Variants in SLC19A1 observed in about 807,000 individuals in gnomAD.
The protein encoded by SLC19A1 is reduced folate transporter.
In SLC19A1, 37 loss-of-function variants were observed where a neutral mutation model predicts 35.3. That is an observed-to-expected ratio of 1.05 (90% CI 0.81 to 1.38). The LOEUF is 1.38. Ranked by LOEUF, SLC19A1 falls within the 40% of genes most tolerant of loss-of-function variation. The pLI, the probability that SLC19A1 is intolerant of heterozygous loss-of-function variation, is 0.00. For synonymous variants in SLC19A1, 460 were observed against 398.5 expected, an observed-to-expected ratio of 1.15 and a Z score of -1.84; for missense variants, 831 against 826.9, an observed-to-expected ratio of 1.00 and a Z score of -0.06.
At chr21:45,519,828 C>G (rs1428094450) in intron 5 of SLC19A1, among the ~76,000 whole-genome samples, 4 of 152,174 alleles carry the variant, frequency 2.6e-5, no homozygotes, top group Admixed American at 2.6e-4. Context: ...AGAAAATCCA[C>G]AAGAACTGAG....
At position 45,534,542 on chromosome 21, in the gene SLC19A1, G is replaced by A. The variant is rs900389701; in HGVS notation, c.190-2394C>T. 19 of 1,535,338 alleles carry A rather than the reference G, an allele frequency of 1.2e-5. No individual in the cohort carries two copies. Among genetic ancestry groups the A allele is most frequent in the African/African-American group, 8.2e-5 (6 of 73,046 alleles). On this transcript the variant is annotated intron_variant, in intron 2 of 5. Transcript: ENST00000311124. The surrounding 1 kb of genome is among the most constrained non-coding windows in gnomAD (Gnocchi z 4.2). Reference sequence around the variant, plus strand: ...GGTCCTAGAAGCCTCACCCACCTCCGAATGAATGGAGCATGCCTCATTTCC... The same window carrying A: ...GGTCCTAGAAGCCTCACCCACCTCCAAATGAATGGAGCATGCCTCATTTCC...
intron 1 of SLC19A1, among the ~76,000 whole-genome samples, chr21:45,541,547 C>T (rs1460294824): frequency 1.3e-5 from 2 of 152,238 alleles, no homozygotes; most frequent in Non-Finnish European, 1.5e-5. Context: ...CAGGAGTTTC[C>T]GATGGACAGG....
chr21:45,557,857 G>A (rs918555688), intron 1 of SLC19A1, among the ~76,000 whole-genome samples: 4 of 152,338 alleles, frequency 2.6e-5, no homozygotes, highest in African/African-American at 9.6e-5. Flanking sequence ...GGGGGTGGCC[G>A]TGCCCTCGGC....
chr21:45,510,363 CCAT>C (rs2037505737), downstream of SLC19A1: 2 of 1,307,040 alleles, frequency 1.5e-6, no homozygotes, highest in Admixed American at 2.0e-5. Context: ...CTGGAGGCCA[CCAT>C]GTTACAGACA....
intron 3 of SLC19A1, chr21:45,504,043 G>T: frequency 6.2e-7 from 1 of 1,613,688 alleles, no homozygotes; most frequent in Non-Finnish European, 8.5e-7. Flanking sequence ...TCAGTTGGAG[G>T]CTGAAATGAA....
rs2078267299 is a variant in SLC19A1 at position 45,540,399 on chromosome 21, C to T, written c.-50+1969G>A. On this transcript the variant is annotated intron_variant, in intron 1 of 5. Transcript: ENST00000311124. The surrounding 1 kb of genome is among the most constrained non-coding windows in gnomAD (Gnocchi z 5.5). ...GAGTCAGATCCCCACCCACAGGACCCCCAGGGGCCCGGGAGCCCTGGGTAC... is the reference window on the plus strand; with the variant it reads ...GAGTCAGATCCCCACCCACAGGACCTCCAGGGGCCCGGGAGCCCTGGGTAC... 2.6e-5 allele frequency among the ~76,000 whole-genome samples: 4 copies of T among 152,176 alleles called. No individual in the cohort carries two copies. The highest frequency in any genetic ancestry group is 2.6e-4 in the Admixed American group (4 of 15,276).
At chr21:45,503,753 T>A (rs532535363) in intron 3 of SLC19A1, among the ~76,000 whole-genome samples, 26 of 151,930 alleles carry the variant, frequency 1.7e-4, no homozygotes, top group South Asian at 6.2e-4. Context: ...AACCTGCACA[T>A]CATGCACATG....
Position 45,555,160 on chromosome 21 carries a change from C to CGGCGCG in SLC19A1, c.-50+7581_-50+7582insCGCGCC, listed in dbSNP as rs1569031758. On this transcript the variant is annotated intron_variant, in intron 1 of 5. Transcript: ENST00000650808. ...ACGCAGGGGGCGGTGCAGGGGGCGG[C>CGGCGCG]GGGGGCGGCGCAGGGGGCGGTGCAG... is the stretch of plus-strand genomic sequence containing the variant. Among the ~76,000 whole-genome samples the CGGCGCG allele has an allele frequency of 1.2e-3, 52 of 41,822 alleles. 4 individuals are homozygous for CGGCGCG. The highest frequency in any genetic ancestry group is 1.6e-3 in the Non-Finnish European group (39 of 23,710). 27.4% of individuals were successfully genotyped at this position (41,822 alleles called of 152,430 possible).
downstream of SLC19A1, among the ~76,000 whole-genome samples, chr21:45,508,125 G>C (rs73370874): frequency 1.3e-5 from 2 of 151,156 alleles, no homozygotes; most frequent in East Asian, 3.9e-4. Context: ...GTGAGTGGAC[G>C]GGTGGGTGGG....
Position 45,531,872 on chromosome 21 carries a change from A to AGTAGCCGGCCACACGCTGGTAGCGCGCGG in SLC19A1, c.437_465dup (p.Ser156ProfsTer58). ...ACGCCCAGCAGCACCGCAGCGCGCG[A>AGTAGCCGGCCACACGCTGGTAGCGCGCGG]GTAGCCGGCCACACGCTGGTAGCGC... On this transcript the variant is annotated frameshift_variant, in exon 3 of 6. Coordinates refer to ENST00000311124, the MANE Select transcript of SLC19A1 (RefSeq NM_194255.4). LOFTEE classifies it high-confidence loss of function. 2 of 1,586,268 alleles carry AGTAGCCGGCCACACGCTGGTAGCGCGCGG rather than the reference A, an allele frequency of 1.3e-6. No individual in the cohort carries two copies. Among genetic ancestry groups the AGTAGCCGGCCACACGCTGGTAGCGCGCGG allele is most frequent in the East Asian group, 2.3e-5 (1 of 42,878 alleles).
chr21:45,556,010 C>A (rs1015196071), intron 1 of SLC19A1, among the ~76,000 whole-genome samples: 1 of 152,216 alleles, frequency 6.6e-6, no homozygotes, highest in African/African-American at 2.4e-5. Context: ...CAGGAAGACC[C>A]CCGCCCTAAT....
chr21:45,503,225 G>A (rs1467974664), intron 3 of SLC19A1, among the ~76,000 whole-genome samples: 22 of 152,174 alleles, frequency 1.4e-4, no homozygotes, highest in East Asian at 5.8e-4. Context: ...CATCCTCTCC[G>A]GCACCTGTTG....
chr21:45,532,215 G>T, intron 2 of SLC19A1, 67 bp from the exon 3 acceptor site: 2 of 1,363,924 alleles, frequency 1.5e-6, no homozygotes, highest in Non-Finnish European at 2.0e-6. Context: ...GACACAGCCC[G>T]CCCGAGGTGA....
downstream of SLC19A1, chr21:45,509,483 C>T (rs1022303980): frequency 2.6e-6 from 4 of 1,527,606 alleles, no homozygotes; most frequent in East Asian, 2.4e-5. Context: ...GCCAGCCCCC[C>T]TCGCCTGCCC....
Position 45,513,851 on chromosome 21 carries a change from TG to T in SLC19A1, c.*1806del, listed in dbSNP as rs1434428364. 1 of 152,152 alleles carries T rather than the reference TG, an allele frequency of 6.6e-6. No individual in the cohort carries two copies. 9.4% of individuals were successfully genotyped at this position (152,152 alleles called of 1,614,324 possible). A position where few individuals can be genotyped will look rare whatever the true frequency, so the allele number is the denominator to read the frequency against. On this transcript the variant is annotated 3_prime_UTR_variant, in exon 6 of 6. Coordinates refer to ENST00000311124, the MANE Select transcript of SLC19A1 (RefSeq NM_194255.4). ...GTGTGCACAGGCACGCACGGTTACA[TG>T]GGGTATGCATGCATGGCCATACACA...
At chr21:45,520,928 G>T (rs1378838201) in intron 5 of SLC19A1, among the ~76,000 whole-genome samples, 5 of 151,882 alleles carry the variant, frequency 3.3e-5, no homozygotes, top group Non-Finnish European at 7.4e-5. Flanking sequence ...GCTGAGACAG[G>T]AGAATTGCTT....
chr21:45,541,326 T>G (rs1602910467), intron 1 of SLC19A1, among the ~76,000 whole-genome samples: 1 of 152,370 alleles, frequency 6.6e-6, no homozygotes, highest in Non-Finnish European at 1.5e-5. Context: ...GGCAGGCAGG[T>G]GCACTGGGCC....
Position 45,527,104 on chromosome 21 carries a change from C to A in SLC19A1, c.1152-1146G>T, listed in dbSNP as rs572650439. Among the ~76,000 whole-genome samples, 23 of 152,380 alleles carry A rather than the reference C, an allele frequency of 1.5e-4. No homozygotes were observed. The South Asian group carries it at 4.8e-3, about 32-fold the overall frequency. On this transcript the variant is annotated intron_variant, in intron 4 of 5. Transcript: ENST00000311124. ...TGATAAATTAGAAGAGCAGTGAAAC[C>A]ACAGAGTCGGTGAATGAGCAGCAGC...
chr21:45,553,312 C>T (rs969133531), intron 1 of SLC19A1, among the ~76,000 whole-genome samples: 35 of 151,926 alleles, frequency 2.3e-4, no homozygotes, highest in African/African-American at 6.5e-4. Context: ...GTGAAGGACA[C>T]GACTCCAGGC....
Sources: allele counts gnomAD v4.1 joint callset (sites outside exome capture counted in the v4.1 genomes callset), GRCh38; gene constraint gnomAD v4.1.1; non-coding constraint Gnocchi (gnomAD v3.1); transcripts MANE v1.5; gene names NCBI Gene and HGNC (gene_info 2026-07-23, HGNC 2026-07-21).